TSGA10: variants seen among roughly 807,000 people sequenced by gnomAD.
TSGA10 encodes the protein testis-specific gene 10 protein.
Under a neutral mutation model 96.6 loss-of-function variants are expected in TSGA10, and 43 were observed. The observed-to-expected ratio is 0.44, with a 90% confidence interval of 0.35 to 0.57. The LOEUF (loss-of-function observed/expected upper bound fraction) is 0.57. Ranked by LOEUF, TSGA10 falls within the 20% of genes least tolerant of loss-of-function variation. TSGA10 has a pLI of 0.01. For missense variants in TSGA10, 703 were observed against 834.4 expected (o/e 0.84, Z 1.94); for synonymous variants, 229 against 269.9 (o/e 0.85, Z 1.48).
chr2:99,012,921 G>T (rs1306971867), intron 20 of TSGA10, among the ~76,000 whole-genome samples: 1 of 152,190 alleles, frequency 6.6e-6, no homozygotes, highest in Non-Finnish European at 1.5e-5. Flanking sequence ...TTGAACATAT[G>T]ATAGGACACA....
At chr2:99,025,301 C>A (rs143557429) in intron 17 of TSGA10, among the ~76,000 whole-genome samples, 1 of 152,186 alleles carries the variant, frequency 6.6e-6, no homozygotes, top group Non-Finnish European at 1.5e-5. Flanking sequence ...ATTTTCACCT[C>A]TTTAGGTTAC....
At chr2:99,114,051 C>T (rs1171683442) in intron 4 of TSGA10, among the ~76,000 whole-genome samples, 1 of 152,108 alleles carries the variant, frequency 6.6e-6, no homozygotes, top group East Asian at 1.9e-4. Flanking sequence ...TTACTGTTGA[C>T]CTTTAAAAAT....
chr2:99,014,481 A>G (rs534934594), intron 20 of TSGA10, among the ~76,000 whole-genome samples: 2 of 152,346 alleles, frequency 1.3e-5, no homozygotes, highest in East Asian at 3.9e-4. Context: ...CATCTGGGAT[A>G]CACCAAAAGT....
At chr2:99,000,548 T>A (rs2077804488) in intron 20 of TSGA10, among the ~76,000 whole-genome samples, 1 of 146,530 alleles carries the variant, frequency 6.8e-6, no homozygotes, top group Admixed American at 6.8e-5. Context: ...TCCAAGATGG[T>A]CGAATAGGAA....
Position 99,018,369 on chromosome 2 carries a change from C to T in TSGA10, c.1923-20G>A, listed in dbSNP as rs773392837. 1.2e-6 allele frequency: 2 copies of T among 1,607,154 alleles called. No individual in the cohort carries two copies. The highest frequency in any genetic ancestry group is 1.3e-5 in the African/African-American group (1 of 74,622). ...CTCTCCCTAAAGCAAAATAGTGATG[C>T]TTTAAATTTTATATCCAGCAAAATT... On this transcript the variant is annotated intron_variant, in intron 19 of 20. Coordinates refer to ENST00000393483, the MANE Select transcript of TSGA10 (RefSeq NM_025244.4).
intron 20 of TSGA10, among the ~76,000 whole-genome samples, chr2:99,001,391 C>T (rs1185749255): frequency 1.3e-5 from 2 of 152,162 alleles, no homozygotes; most frequent in East Asian, 3.9e-4. Context: ...GCTGAGGGTC[C>T]TGACTGTTAG....
At chr2:99,043,446 A>C (rs1436418384) in intron 16 of TSGA10, among the ~76,000 whole-genome samples, 1 of 152,198 alleles carries the variant, frequency 6.6e-6, no homozygotes, top group Non-Finnish European at 1.5e-5. Context: ...GAAGGAGAGG[A>C]TATAGAAAGG....
chr2:99,014,116 T>C (rs771154110), intron 20 of TSGA10, among the ~76,000 whole-genome samples: 3 of 151,834 alleles, frequency 2.0e-5, no homozygotes, highest in Admixed American at 6.6e-5. Flanking sequence ...GATTGTGCCA[T>C]TGCACTCCAG....
At chr2:99,110,973 G>A in intron 4 of TSGA10, 58 bp from the exon 5 acceptor site, 1 of 458,850 alleles carries the variant, frequency 2.2e-6, no homozygotes. Flanking sequence ...TAAACTAATT[G>A]GAAAAAGAAC....
chr2:99,041,390 A>C (rs1384449810), intron 16 of TSGA10, among the ~76,000 whole-genome samples: 1 of 152,230 alleles, frequency 6.6e-6, no homozygotes, highest in Non-Finnish European at 1.5e-5. Flanking sequence ...AGACTAAGCA[A>C]AAAGAACAAA....
At chr2:99,056,833 A>C (rs1471650961) in intron 16 of TSGA10, among the ~76,000 whole-genome samples, 6 of 151,596 alleles carry the variant, frequency 4.0e-5, no homozygotes, top group African/African-American at 9.7e-5. Flanking sequence ...AAAAAAAAAA[A>C]AACTAGAAAG....
intron 10 of TSGA10, among the ~76,000 whole-genome samples, chr2:99,089,066 TA>T (rs2088939799): frequency 6.6e-6 from 1 of 152,162 alleles, no homozygotes; most frequent in South Asian, 2.1e-4. Context: ...ACAGCCCACA[TA>T]ATTTGAGTGC....
At chr2:99,069,036 T>TA (rs753631740) in intron 14 of TSGA10, 38 bp from the exon 15 acceptor site, 1 of 1,167,116 alleles carries the variant, frequency 8.6e-7, no homozygotes, top group South Asian at 2.1e-5. Context: ...CTATGAAAAA[T>TA]AAAAAATTTC....
At chr2:99,144,110 T>G (rs571209439) in intron 1 of TSGA10, among the ~76,000 whole-genome samples, 20 of 152,294 alleles carry the variant, frequency 1.3e-4, no homozygotes, top group African/African-American at 4.6e-4. Flanking sequence ...AAGCTCTGCC[T>G]CGCGGCTTCA....
In TSGA10 at chr2:99,050,225, G is replaced by T. The variant is rs144401271; in HGVS notation, c.1404+14714C>A. ...TAGTTGCCCTCATTTTTCCTCTCAG[G>T]TTTTTAAAAAGACACACAATTGTAT... On this transcript the variant is annotated intron_variant, in intron 16 of 20. Transcript: ENST00000393483. 1.6e-3 allele frequency among the ~76,000 whole-genome samples: 244 copies of T among 152,028 alleles called. 1 individual carries two copies. In the Middle Eastern group the frequency reaches 0.034, roughly 21 times the overall value.
At chr2:99,135,997 G>A (rs1000978000) in intron 1 of TSGA10, among the ~76,000 whole-genome samples, 5 of 131,666 alleles carry the variant, frequency 3.8e-5, no homozygotes, top group African/African-American at 1.1e-4. Context: ...GGACAAGAGC[G>A]AGACTTCGTA....
intron 16 of TSGA10, among the ~76,000 whole-genome samples, chr2:99,062,643 A>G (rs1394030092): frequency 6.6e-6 from 1 of 152,166 alleles, no homozygotes; most frequent in East Asian, 1.9e-4. Context: ...GCTGAGACAG[A>G]TGGATCACCT....
chr2:99,069,015 G>A lies in TSGA10; in HGVS notation c.1108-17C>T. 4 of 1,328,294 alleles carry A rather than the reference G, an allele frequency of 3.0e-6. No individual in the cohort carries two copies. Among genetic ancestry groups the A allele is most frequent in the Non-Finnish European group, 4.0e-6 (4 of 998,748 alleles). 82.3% of individuals were successfully genotyped at this position (1,328,294 alleles called of 1,614,324 possible). On this transcript the variant is annotated splice_polypyrimidine_tract_variant and intron_variant, in intron 14 of 20. Coordinates refer to ENST00000393483, the MANE Select transcript of TSGA10 (RefSeq NM_025244.4). Reference sequence around the variant, plus strand: ...GGACAGTGCCTACGAAAAAAAGATAGGTATATTTGACTATGAAAAATAAAA... The same window carrying A: ...GGACAGTGCCTACGAAAAAAAGATAAGTATATTTGACTATGAAAAATAAAA...
intron 10 of TSGA10, among the ~76,000 whole-genome samples, chr2:99,099,752 A>G (rs910329169): frequency 1.3e-5 from 2 of 152,204 alleles, no homozygotes; most frequent in Non-Finnish European, 2.9e-5. Context: ...TAAAATGTAT[A>G]AGAATTAGAG....
Sources: allele counts gnomAD v4.1 joint callset (sites outside exome capture counted in the v4.1 genomes callset), GRCh38; gene constraint gnomAD v4.1.1; transcripts MANE v1.5; gene names NCBI Gene and HGNC (gene_info 2026-07-23, HGNC 2026-07-21).